FSTL4: variants seen among roughly 807,000 people sequenced by gnomAD.
FSTL4 encodes the protein follistatin like 4.
A neutral mutation model predicts 78.2 loss-of-function variants in FSTL4; 28 were observed. That is an observed-to-expected ratio of 0.36 (90% confidence interval 0.27 to 0.49). The LOEUF (loss-of-function observed/expected upper bound fraction) is 0.49, where lower values mean the gene tolerates loss of function less well. Ranked by LOEUF, FSTL4 falls within the 20% of genes least tolerant of loss-of-function variation. The pLI is 0.98. For missense variants in FSTL4, 922 were observed against 1,084.9 expected (o/e 0.85, Z 2.11); for synonymous variants, 422 against 440.5 (o/e 0.96, Z 0.53).
At chr5:133,574,885 G>T (rs1027088011) in intron 2 of FSTL4, 1 of 152,088 alleles carries the variant, frequency 6.6e-6, no homozygotes, top group Non-Finnish European at 1.5e-5. Context: ...ACCAATCTCT[G>T]ATGACAGATG....
chr5:133,541,927 G>GACAGACACACACACACACACACAC (rs1554069680), intron 3 of FSTL4, among the ~76,000 whole-genome samples: 1 of 148,232 alleles, frequency 6.7e-6, no homozygotes, highest in African/African-American at 2.5e-5. Flanking sequence ...GAATGTTACA[G>GACAGACACACACACACACACACAC]ACACACACAC....
chr5:133,339,330 C>T (rs549044185), intron 4 of FSTL4, among the ~76,000 whole-genome samples: 2 of 152,276 alleles, frequency 1.3e-5, no homozygotes, highest in African/African-American at 4.8e-5. Flanking sequence ...AATAGGACAC[C>T]TCTGGCAACT....
intron 12 of FSTL4, among the ~76,000 whole-genome samples, chr5:133,219,369 C>T (rs1040607524): frequency 2.0e-5 from 3 of 152,198 alleles, no homozygotes; most frequent in African/African-American, 7.2e-5. Context: ...CCCAACTTGC[C>T]TATGAGACAA....
chr5:133,662,286 C>A, the FSTL4 span, among the ~76,000 whole-genome samples: 2 of 152,136 alleles, frequency 1.3e-5, no homozygotes, highest in African/African-American at 4.8e-5. Flanking sequence ...CTATCTAATC[C>A]TCAATTTTTA....
At chr5:133,281,215 C>T (rs1424687326) in intron 6 of FSTL4, among the ~76,000 whole-genome samples, 1 of 152,144 alleles carries the variant, frequency 6.6e-6, no homozygotes, top group Non-Finnish European at 1.5e-5. Context: ...AATCCTGGGC[C>T]TGGTATTTGT....
At chr5:133,568,089 G>C (rs941771643) in intron 2 of FSTL4, among the ~76,000 whole-genome samples, 2 of 152,210 alleles carry the variant, frequency 1.3e-5, no homozygotes, top group African/African-American at 4.8e-5. Context: ...ACCAGGAAGA[G>C]AGAATAGCAT....
chr5:133,252,252 T>A (rs1046256124), intron 6 of FSTL4: 1 of 152,224 alleles, frequency 6.6e-6, no homozygotes, highest in Non-Finnish European at 1.5e-5. Flanking sequence ...AGATTTTCCC[T>A]GCACGTCTGA....
intron 6 of FSTL4, among the ~76,000 whole-genome samples, chr5:133,256,236 C>T (rs1053229032): frequency 2.6e-5 from 4 of 152,158 alleles, no homozygotes; most frequent in African/African-American, 7.2e-5. Flanking sequence ...TCTCTAACTG[C>T]GGCCTCTTCC....
At chr5:133,648,714 T>C in the FSTL4 span, among the ~76,000 whole-genome samples, 1 of 152,280 alleles carries the variant, frequency 6.6e-6, no homozygotes, top group South Asian at 2.1e-4. Context: ...AATGGACGAC[T>C]TTTTAGAGCA....
At chr5:133,701,176 G>T in the FSTL4 span, among the ~76,000 whole-genome samples, 1 of 152,036 alleles carries the variant, frequency 6.6e-6, no homozygotes, top group African/African-American at 2.4e-5. Flanking sequence ...GCCAAGGCAG[G>T]CAGATCACTT....
At chr5:133,736,196 C>G in the FSTL4 span, among the ~76,000 whole-genome samples, 1 of 152,154 alleles carries the variant, frequency 6.6e-6, no homozygotes, top group Non-Finnish European at 1.5e-5. Context: ...CAGTTGTATT[C>G]CAGAAAAACC....
the FSTL4 span, among the ~76,000 whole-genome samples, chr5:133,641,724 T>C: frequency 6.6e-6 from 1 of 152,214 alleles, no homozygotes; most frequent in Non-Finnish European, 1.5e-5. Context: ...TTACAATATA[T>C]GCATACAATG....
chr5:133,516,892 A>C (rs1302918533), intron 3 of FSTL4, among the ~76,000 whole-genome samples: 4 of 152,216 alleles, frequency 2.6e-5, no homozygotes, highest in Non-Finnish European at 4.4e-5. Context: ...TGGAACAATT[A>C]GTTAACCACA....
chr5:133,625,807 T>TATATATTCC, the FSTL4 span, among the ~76,000 whole-genome samples: 2 of 55,584 alleles, frequency 3.6e-5, no homozygotes, highest in Non-Finnish European at 6.5e-5. Context: ...ATATTCCATA[T>TATATATTCC]ATATATATTC....
At chr5:133,221,480 C>A (rs1456910335) in intron 11 of FSTL4, among the ~76,000 whole-genome samples, 1 of 151,684 alleles carries the variant, frequency 6.6e-6, no homozygotes, top group African/African-American at 2.4e-5. Flanking sequence ...TCATGCCCCC[C>A]TGACCCCGGC....
intron 3 of FSTL4, among the ~76,000 whole-genome samples, chr5:133,507,684 G>A (rs548554332): frequency 7.2e-5 from 11 of 151,730 alleles, no homozygotes; most frequent in South Asian, 4.2e-4. Context: ...CACCATGCCC[G>A]GCTAATTTTT....
the FSTL4 span, among the ~76,000 whole-genome samples, chr5:133,803,278 A>G: frequency 6.6e-6 from 1 of 152,156 alleles, no homozygotes; most frequent in Non-Finnish European, 1.5e-5. Flanking sequence ...AGATTGACCC[A>G]CATACCTGAG....
intron 3 of FSTL4, among the ~76,000 whole-genome samples, chr5:133,520,672 T>C (rs956613415): frequency 3.3e-5 from 5 of 152,200 alleles, no homozygotes; most frequent in Admixed American, 2.6e-4. Flanking sequence ...AAGGGGTTTT[T>C]AAGAGCAGGG....
At chr5:133,716,680 G>A in the FSTL4 span, among the ~76,000 whole-genome samples, 1,012 of 152,112 alleles carry the variant, frequency 6.7e-3, 14 homozygotes, top group African/African-American at 0.023. Flanking sequence ...GAATTCTGAC[G>A]TCATAAATTT....
Sources: gnomAD v4.1 joint callset for allele counts (sites outside exome capture counted in the v4.1 genomes callset) on GRCh38, gnomAD v4.1.1 for gene constraint, MANE v1.5 for transcripts, NCBI Gene and HGNC (gene_info 2026-07-23, HGNC 2026-07-21) for gene names.